The following CD44 variants were observed in gnomAD, a reference collection of about 807,000 sequenced individuals.
The protein encoded by CD44 is CD44 antigen.
Under a neutral mutation model 88.8 loss-of-function variants are expected in CD44, and 49 were observed. The observed-to-expected ratio is 0.55, with a 90% CI of 0.44 to 0.70. The LOEUF is 0.70. CD44 is among the 30% of genes least tolerant of loss of function. The pLI is 0.00. For missense variants in CD44, 883 were observed against 913.8 expected (o/e 0.97, Z 0.43); for synonymous variants, 325 against 312.3 (o/e 1.04, Z -0.43).
At position 35,183,139 on chromosome 11, in the gene CD44, A is replaced by C. The variant is rs191210167; in HGVS notation, c.367+2732A>C. On this transcript the variant is annotated intron_variant, in intron 3 of 17. Coordinates refer to ENST00000428726, the MANE Select transcript of CD44 (RefSeq NM_000610.4). Reference sequence around the variant, plus strand: ...GAATTAAATAATAAAGCTAGAAGTAATATTTTTCCTTTTGTCTATTTTCCA... The same window carrying C: ...GAATTAAATAATAAAGCTAGAAGTACTATTTTTCCTTTTGTCTATTTTCCA... 6.6e-5 allele frequency among the ~76,000 whole-genome samples: 10 copies of C among 152,264 alleles called. No homozygotes were observed. In the East Asian group the frequency reaches 1.7e-3, roughly 26 times the overall value.
chr11:35,221,471 A>T (rs1390418113), intron 16 of CD44, among the ~76,000 whole-genome samples, 183 bp from the exon 17 acceptor site: 1 of 152,254 alleles, frequency 6.6e-6, no homozygotes, highest in Admixed American at 6.5e-5. Flanking sequence ...AGGCTGTTGG[A>T]CAAATACCTT....
At chr11:35,157,309 A>ATCTG (rs58721511) in intron 1 of CD44, among the ~76,000 whole-genome samples, 2,530 of 138,802 alleles carry the variant, frequency 0.018, 75 homozygotes, top group African/African-American at 0.056. Context: ...CTATCCATCT[A>ATCTG]TCTGTCTGTC....
chr11:35,152,026 G>A (rs1860415706), intron 1 of CD44, among the ~76,000 whole-genome samples: 1 of 152,252 alleles, frequency 6.6e-6, no homozygotes, highest in Admixed American at 6.5e-5. Flanking sequence ...GTGGCGACAG[G>A]AGGAATAACT....
chr11:35,163,824 A>C (rs1249544869), intron 1 of CD44, among the ~76,000 whole-genome samples: 1 of 152,124 alleles, frequency 6.6e-6, no homozygotes, highest in East Asian at 1.9e-4. Context: ...ACCCTCCTAA[A>C]GTCAAGGTGC....
At chr11:35,153,596 G>A (rs903619963) in intron 1 of CD44, among the ~76,000 whole-genome samples, 2 of 152,126 alleles carry the variant, frequency 1.3e-5, no homozygotes, top group African/African-American at 4.8e-5. Flanking sequence ...CTAGGCACTG[G>A]GGATACCACT....
Position 35,198,113 on chromosome 11 carries a change from C to T in CD44, c.797-8C>T. 5.6e-6 allele frequency: 9 copies of T among 1,612,464 alleles called. No individual in the cohort carries two copies. Among genetic ancestry groups the T allele is most frequent in the Non-Finnish European group, 7.6e-6 (9 of 1,178,924 alleles). ...CAGCTCAGCCACTAATGCAAGTCACCACAACAGGTACGTCTTCAAATACCA... is the reference window on the plus strand; with the variant it reads ...CAGCTCAGCCACTAATGCAAGTCACTACAACAGGTACGTCTTCAAATACCA... On this transcript the variant is annotated splice_region_variant and splice_polypyrimidine_tract_variant and intron_variant, in intron 6 of 17. Coordinates refer to ENST00000428726, the MANE Select transcript of CD44 (RefSeq NM_000610.4).
At chr11:35,162,974 G>A (rs544874289) in intron 1 of CD44, among the ~76,000 whole-genome samples, 2 of 152,108 alleles carry the variant, frequency 1.3e-5, no homozygotes, top group Non-Finnish European at 2.9e-5. Flanking sequence ...GACAGAGATT[G>A]AGTCACCAAC....
In CD44 at chr11:35,211,673, CATGT is replaced by C. The variant is rs1391019680; in HGVS notation, c.1810+225_1810+228del. ...TGTTTTTTCCATTTGTCTGTGTTTG[CATGT>C]GTGTGTGTGTGTGTGTGTGTGTGTG... is the stretch of plus-strand genomic sequence containing the variant. On this transcript the variant is annotated intron_variant, in intron 14 of 17. Coordinates refer to ENST00000428726, the MANE Select transcript of CD44 (RefSeq NM_000610.4). 8.9e-3 allele frequency among the ~76,000 whole-genome samples: 685 copies of C among 77,168 alleles called. 5 individuals are homozygous for C. Among genetic ancestry groups the C allele is most frequent in the African/African-American group, 0.051 (659 of 13,032 alleles). 50.6% of individuals were successfully genotyped at this position (77,168 alleles called of 152,430 possible).
At chr11:35,184,657 C>A (rs1945478010) in intron 3 of CD44, among the ~76,000 whole-genome samples, 1 of 152,138 alleles carries the variant, frequency 6.6e-6, no homozygotes, top group South Asian at 2.1e-4. Context: ...TCCCCCATGA[C>A]CTTGTGAGTT....
chr11:35,172,528 T>G (rs1324107197), intron 1 of CD44, among the ~76,000 whole-genome samples: 1 of 152,194 alleles, frequency 6.6e-6, no homozygotes, highest in East Asian at 1.9e-4. Context: ...ATTAATTTTT[T>G]TCTCCCAAAT....
intron 1 of CD44, among the ~76,000 whole-genome samples, chr11:35,163,527 A>G (rs1942901883): frequency 1.3e-5 from 2 of 152,196 alleles, no homozygotes; most frequent in African/African-American, 4.8e-5. Context: ...TAGGAGAATT[A>G]GAGGACTATA....
chr11:35,211,181 G>T (rs929508455), intron 13 of CD44, 65 bp from the exon 14 acceptor site: 3 of 1,244,946 alleles, frequency 2.4e-6, no homozygotes, highest in Non-Finnish European at 3.5e-6. Flanking sequence ...GTGTTCTGGA[G>T]ACAAGCACAT....
intron 9 of CD44, among the ~76,000 whole-genome samples, chr11:35,202,217 C>A (rs1171763461): frequency 6.6e-6 from 1 of 152,032 alleles, no homozygotes; most frequent in African/African-American, 2.4e-5. Flanking sequence ...TTTTTGCATT[C>A]TGTCCCTGAC....
In CD44 at chr11:35,229,204, C is replaced by T. The variant is rs759881397; in HGVS notation, c.2100C>T (p.Asn700=). 57 of 1,613,864 alleles carry T rather than the reference C, an allele frequency of 3.5e-5. No homozygotes were observed. Among genetic ancestry groups the T allele is most frequent in the Non-Finnish European group, 4.5e-5 (53 of 1,179,914 alleles). Residue 700 remains asparagine, a synonymous_variant, in exon 18 of 18, where the codon AAC becomes AAT. Transcript: ENST00000428726. The stretch of plus-strand genomic sequence containing the variant: ...AGGACAGAAAGCCAAGTGGACTCAA[C>T]GGAGAGGCCAGCAAGTCTCAGGAAA... The part of the protein sequence containing the change: ...AVEDRKPSGL[N]GEASKSQEMV...
At chr11:35,195,766 A>G (rs1946681453) in intron 5 of CD44, among the ~76,000 whole-genome samples, 2 of 152,058 alleles carry the variant, frequency 1.3e-5, no homozygotes, top group Admixed American at 1.3e-4. Context: ...TCTTATTAGC[A>G]AGATCATTGG....
At chr11:35,220,034 A>G (rs1363878611) in intron 16 of CD44, among the ~76,000 whole-genome samples, 2 of 152,202 alleles carry the variant, frequency 1.3e-5, no homozygotes, top group African/African-American at 2.4e-5. Flanking sequence ...GTCATAGAGA[A>G]TTACTAAAGG....
At chr11:35,157,368 ATCTG>A (rs1045133059) in intron 1 of CD44, among the ~76,000 whole-genome samples, 28 of 121,832 alleles carry the variant, frequency 2.3e-4, no homozygotes, top group African/African-American at 6.8e-4. Flanking sequence ...TCTATCTATC[ATCTG>A]TCTGTATTCT....
chr11:35,193,853 A>C (rs1239789460), intron 5 of CD44, among the ~76,000 whole-genome samples: 3 of 152,240 alleles, frequency 2.0e-5, no homozygotes. Flanking sequence ...TGGATACCTG[A>C]GGAAGTTTTA....
Position 35,222,832 on chromosome 11 carries a change from T to C in CD44, c.2024+1100T>C, listed in dbSNP as rs1057230252. 6 of 985,280 alleles carry C rather than the reference T, an allele frequency of 6.1e-6. No homozygotes were observed. The South Asian group carries it at 2.8e-4, about 46-fold the overall frequency. 61.0% of individuals were successfully genotyped at this position (985,280 alleles called of 1,614,324 possible). A position where few individuals can be genotyped will look rare whatever the true frequency, so the allele number is the denominator to read the frequency against. ...TTTCTCATAAGGTAAAAGAAACTTA[T>C]TTCCAAGCAGGACCACCTTTATTGT... On this transcript the variant is annotated intron_variant, in intron 17 of 17. Transcript: ENST00000428726.
Sources: allele counts gnomAD v4.1 joint callset (sites outside exome capture counted in the v4.1 genomes callset), GRCh38; gene constraint gnomAD v4.1.1; transcripts MANE v1.5; gene names NCBI Gene and HGNC (gene_info 2026-07-23, HGNC 2026-07-21).